The following MAL2 variants were observed in gnomAD, a reference collection of about 807,000 sequenced individuals.
MAL2 encodes mal, T cell differentiation protein 2, also known as protein MAL2.
A neutral mutation model predicts 18.1 loss-of-function variants in MAL2; 17 were observed. The observed-to-expected ratio is 0.94, with a 90% CI of 0.64 to 1.41. MAL2 has a LOEUF of 1.41. Among genes scored for constraint, MAL2 ranks in the 40% most tolerant of loss-of-function variants. The pLI, the probability that MAL2 is intolerant of heterozygous loss-of-function variation, is 0.00. For synonymous variants in MAL2, 102 were observed against 102.3 expected (o/e 1.00, Z 0.02); for missense variants, 222 against 231.9 (o/e 0.96, Z 0.28).
At chr8:119,222,543 T>C (rs1021546643) in intron 2 of MAL2, among the ~76,000 whole-genome samples, 1 of 150,958 alleles carries the variant, frequency 6.6e-6, no homozygotes, top group African/African-American at 2.4e-5. Flanking sequence ...AAAAAGAATT[T>C]GTGACCAAGT....
At chr8:119,227,771 A>G (rs979294822) in intron 2 of MAL2, among the ~76,000 whole-genome samples, 1 of 152,182 alleles carries the variant, frequency 6.6e-6, no homozygotes. Flanking sequence ...CTTCCTGAAG[A>G]AAGACTTAAA....
chr8:119,240,666 C>A (rs1818029373), intron 3 of MAL2, among the ~76,000 whole-genome samples: 1 of 152,050 alleles, frequency 6.6e-6, no homozygotes, highest in Non-Finnish European at 1.5e-5. Flanking sequence ...CAGTTTTGTT[C>A]TTTAGTATTC....
At chr8:119,242,903 G>A (rs934077058) in intron 3 of MAL2, among the ~76,000 whole-genome samples, 1 of 152,222 alleles carries the variant, frequency 6.6e-6, no homozygotes, top group Non-Finnish European at 1.5e-5. Context: ...GTAGAGTGCA[G>A]ATTTGTACAC....
chr8:119,211,719 A>G (rs1275152235), intron 1 of MAL2, among the ~76,000 whole-genome samples: 2 of 134,230 alleles, frequency 1.5e-5, no homozygotes, highest in Admixed American at 8.0e-5. Context: ...TTTTTTTGAG[A>G]TAGGGAGATA....
intron 2 of MAL2, among the ~76,000 whole-genome samples, chr8:119,237,089 A>C (rs1817920777): frequency 6.6e-6 from 1 of 152,218 alleles, no homozygotes; most frequent in Non-Finnish European, 1.5e-5. Context: ...AGACACAATA[A>C]AAAATGACAA....
chr8:119,240,878 TA>T, intron 3 of MAL2, among the ~76,000 whole-genome samples: 1 of 152,150 alleles, frequency 6.6e-6, no homozygotes, highest in Non-Finnish European at 1.5e-5. Flanking sequence ...TTGGGGTATT[TA>T]TTAAATTTTT....
intron 3 of MAL2, among the ~76,000 whole-genome samples, chr8:119,242,595 C>CA (rs1220811446): frequency 6.6e-6 from 1 of 152,074 alleles, no homozygotes; most frequent in Non-Finnish European, 1.5e-5. Flanking sequence ...AGAAATGTAT[C>CA]AGAGAAAAAA....
intron 2 of MAL2, among the ~76,000 whole-genome samples, chr8:119,228,383 G>A (rs1817640352): frequency 1.3e-5 from 2 of 152,158 alleles, no homozygotes; most frequent in South Asian, 2.1e-4. Flanking sequence ...CAGGTTATTA[G>A]AAGCGATGAC....
chr8:119,237,717 A>G (rs202200088), intron 2 of MAL2, among the ~76,000 whole-genome samples: 32 of 151,712 alleles, frequency 2.1e-4, no homozygotes, highest in Non-Finnish European at 2.9e-4. Context: ...ATGCAGAAAA[A>G]GCCTTTGACA....
intron 1 of MAL2, among the ~76,000 whole-genome samples, chr8:119,212,535 T>G (rs1347843268): frequency 6.6e-6 from 1 of 152,206 alleles, no homozygotes. Context: ...AATTACTGTT[T>G]GGTGGAATAT....
intron 2 of MAL2, among the ~76,000 whole-genome samples, chr8:119,230,515 G>C (rs1224800353): frequency 6.6e-6 from 1 of 152,152 alleles, no homozygotes; most frequent in Non-Finnish European, 1.5e-5. Flanking sequence ...CATGTGTAAA[G>C]AGTAGCATCC....
intron 1 of MAL2, among the ~76,000 whole-genome samples, chr8:119,211,657 T>C (rs886994872): frequency 1.3e-5 from 2 of 151,910 alleles, no homozygotes; most frequent in Non-Finnish European, 2.9e-5. Flanking sequence ...TAGCACTGGC[T>C]TCTTAAGTGG....
chr8:119,245,453 A>G lies in MAL2; in HGVS notation c.*1965A>G, dbSNP rs571352166. On this transcript the variant is annotated 3_prime_UTR_variant, in exon 4 of 4. Transcript: ENST00000614891. Reference sequence around the variant, plus strand: ...TTCTAGATTGTTACAAACCAAGCCTAAGACACATCTGTGAATACTTAGATT... The same window carrying G: ...TTCTAGATTGTTACAAACCAAGCCTGAGACACATCTGTGAATACTTAGATT... The G allele has an allele frequency of 6.6e-6, 1 of 152,612 alleles. No individual in the cohort carries two copies. Among genetic ancestry groups the G allele is most frequent in the Non-Finnish European group, 1.5e-5 (1 of 68,034 alleles). The allele number at this position is 152,612 out of a possible 1,614,324, so 9.5% of individuals were successfully genotyped here. A position where few individuals can be genotyped will look rare whatever the true frequency, so the allele number is the denominator to read the frequency against.
chr8:119,235,390 G>A (rs1817860018), intron 2 of MAL2, among the ~76,000 whole-genome samples: 2 of 152,218 alleles, frequency 1.3e-5, no homozygotes, highest in South Asian at 2.1e-4. Context: ...TATTATCCAG[G>A]AGAACTTCCC....
Position 119,208,397 on chromosome 8 carries a change from G to A in MAL2, c.-76G>A. On this transcript the variant is annotated 5_prime_UTR_variant, in exon 1 of 4. Transcript: ENST00000614891. The surrounding 1 kb of genome is among the most constrained non-coding windows in gnomAD (Gnocchi z 4.3). ...GCCCGCGGAGCTGAGCGGCGGCGGCGGCGGCGGCAGGAGCCCGGGAGGCGG... is the reference window on the plus strand; with the variant it reads ...GCCCGCGGAGCTGAGCGGCGGCGGCAGCGGCGGCAGGAGCCCGGGAGGCGG... The A allele has an allele frequency of 3.5e-6, 3 of 854,580 alleles. No homozygotes were observed. The highest frequency in any genetic ancestry group is 2.8e-6 in the Non-Finnish European group (2 of 701,814). 52.9% of individuals were successfully genotyped at this position (854,580 alleles called of 1,614,324 possible). A position where few individuals can be genotyped will look rare whatever the true frequency, so the allele number is the denominator to read the frequency against.
At chr8:119,210,450 GTTCTCA>G in intron 1 of MAL2, among the ~76,000 whole-genome samples, 1 of 151,858 alleles carries the variant, frequency 6.6e-6, no homozygotes, top group African/African-American at 2.4e-5. Context: ...CCAGAGGTTA[GTTCTCA>G]ATTCTTGCTG....
intron 2 of MAL2, among the ~76,000 whole-genome samples, chr8:119,223,019 G>A (rs1817501785): frequency 6.6e-6 from 1 of 152,108 alleles, no homozygotes; most frequent in Admixed American, 6.6e-5. Context: ...ACCCCCATTA[G>A]GTTATGATCA....
chr8:119,227,398 G>A (rs897582231), intron 2 of MAL2, among the ~76,000 whole-genome samples: 2 of 152,162 alleles, frequency 1.3e-5, no homozygotes, highest in African/African-American at 4.8e-5. Flanking sequence ...AGAAAACCCA[G>A]AATGATACGC....
At chr8:119,214,664 G>A (rs141131626) in intron 1 of MAL2, among the ~76,000 whole-genome samples, 13 of 152,232 alleles carry the variant, frequency 8.5e-5, no homozygotes, top group South Asian at 6.2e-4. Flanking sequence ...TTTTAGGGTC[G>A]GTGTCAGCTA....
Sources: allele counts gnomAD v4.1 joint callset (sites outside exome capture counted in the v4.1 genomes callset), GRCh38; gene constraint gnomAD v4.1.1; non-coding constraint Gnocchi (gnomAD v3.1); transcripts MANE v1.5; gene names NCBI Gene and HGNC (gene_info 2026-07-23, HGNC 2026-07-21).